Variants in GDAP2 observed in about 807,000 individuals in gnomAD.
The protein encoded by GDAP2 is ganglioside-induced differentiation-associated protein 2.
Under a neutral mutation model 67.0 loss-of-function variants are expected in GDAP2, and 51 were observed. The observed-to-expected ratio is 0.76, with a 90% CI of 0.61 to 0.96. GDAP2 has a LOEUF of 0.96. Among genes scored for constraint, GDAP2 ranks in the 40% least tolerant of loss-of-function variants. The probability of loss-of-function intolerance (pLI) is 0.00; values close to 1 mark genes in which losing one functional copy is unlikely to be tolerated. For synonymous variants in GDAP2, 203 were observed against 207.3 expected (o/e 0.98, Z 0.18); for missense variants, 547 against 588.3 (o/e 0.93, Z 0.73).
intron 10 of GDAP2, among the ~76,000 whole-genome samples, chr1:117,884,574 T>C (rs1421670629): frequency 1.3e-5 from 2 of 152,186 alleles, no homozygotes. Context: ...TTCCATTCAT[T>C]ACCTGCTTTG....
intron 13 of GDAP2, among the ~76,000 whole-genome samples, chr1:117,871,481 T>C (rs1002775044): frequency 8.5e-5 from 13 of 152,198 alleles, no homozygotes; most frequent in Non-Finnish European, 1.9e-4. Context: ...TTAGCACTAG[T>C]ATAAGACAAT....
intron 1 of GDAP2, among the ~76,000 whole-genome samples, chr1:117,928,170 G>A (rs1478840282): frequency 6.6e-6 from 1 of 152,144 alleles, no homozygotes; most frequent in Non-Finnish European, 1.5e-5. Flanking sequence ...GAACCAGGCA[G>A]AGAAGATAAA....
chr1:117,917,919 C>G (rs1474347411), intron 3 of GDAP2, among the ~76,000 whole-genome samples: 11 of 152,100 alleles, frequency 7.2e-5, no homozygotes, highest in Admixed American at 7.2e-4. Context: ...GGCCATTTCC[C>G]CCACTCTGTC....
intron 13 of GDAP2, among the ~76,000 whole-genome samples, chr1:117,873,075 G>A (rs947602717): frequency 1.3e-5 from 2 of 152,052 alleles, no homozygotes; most frequent in Non-Finnish European, 2.9e-5. Context: ...AAACTAAGAA[G>A]AGCAAGTTCA....
In GDAP2 at chr1:117,918,676, G is replaced by C. The variant is rs1163770251; in HGVS notation, c.237C>G (p.Leu79=). Residue 79 remains leucine (L), a synonymous_variant, in exon 3 of 14, where the codon CTC becomes CTG. Coordinates refer to ENST00000369443, the MANE Select transcript of GDAP2 (RefSeq NM_017686.4). The part of the protein sequence containing the change: ...TAIVNTSNES[L]TDKNPVSESI... ...TTTCTGACACAGGATTCTTATCTGTGAGACTTTCATTGCTGGTATTCACAA... is the reference window on the plus strand; with the variant it reads ...TTTCTGACACAGGATTCTTATCTGTCAGACTTTCATTGCTGGTATTCACAA... 6.2e-7 allele frequency: 1 copy of C among 1,601,258 alleles called. No individual in the cohort carries two copies. Among genetic ancestry groups the C allele is most frequent in the South Asian group, 1.1e-5 (1 of 90,796 alleles).
chr1:117,927,477 G>C (rs951306190), intron 1 of GDAP2, among the ~76,000 whole-genome samples: 11 of 152,148 alleles, frequency 7.2e-5, no homozygotes, highest in Non-Finnish European at 1.5e-4. Context: ...GATCAGACCA[G>C]CCTGGATAAC....
intron 3 of GDAP2, among the ~76,000 whole-genome samples, chr1:117,913,253 A>G (rs1453354370): frequency 6.6e-6 from 1 of 152,206 alleles, no homozygotes; most frequent in African/African-American, 2.4e-5. Context: ...AATGCTAAAA[A>G]GGCTCAGAAA....
intron 13 of GDAP2, among the ~76,000 whole-genome samples, chr1:117,875,004 G>A (rs1182617624): frequency 6.6e-6 from 1 of 152,146 alleles, no homozygotes; most frequent in African/African-American, 2.4e-5. Flanking sequence ...CCAGATATGA[G>A]AGCAAAGAAA....
In GDAP2 at chr1:117,866,845, A is replaced by G. The variant is rs960062516; in HGVS notation, c.*3724T>C. On this transcript the variant is annotated 3_prime_UTR_variant, in exon 14 of 14. Transcript: ENST00000369443. ...CTCCAGCCTGGGTGACCAAAAAAAA[A>G]AAAAAAGTACAGTAAGGCCCTTTAA... The G allele has an allele frequency of 6.6e-6, 1 of 151,692 alleles. No homozygotes were observed. Among genetic ancestry groups the G allele is most frequent in the African/African-American group, 2.4e-5 (1 of 41,308 alleles). 9.4% of individuals were successfully genotyped at this position (151,692 alleles called of 1,614,324 possible).
At position 117,868,671 on chromosome 1, in the gene GDAP2, C is replaced by G. The variant is rs1483470301; in HGVS notation, c.*1898G>C. 2.0e-5 allele frequency: 3 copies of G among 151,966 alleles called. No homozygotes were observed. Among genetic ancestry groups the G allele is most frequent in the African/African-American group, 7.3e-5 (3 of 41,366 alleles). The allele number at this position is 151,966 out of a possible 1,614,324, so 9.4% of individuals were successfully genotyped here. ...GCTGCTCCTTGTGAAGAAGATACCTCAAATATGATCTCACGATTGACTGTA... is the reference window on the plus strand; with the variant it reads ...GCTGCTCCTTGTGAAGAAGATACCTGAAATATGATCTCACGATTGACTGTA... On this transcript the variant is annotated 3_prime_UTR_variant, in exon 14 of 14. Coordinates refer to ENST00000369443, the MANE Select transcript of GDAP2 (RefSeq NM_017686.4).
chr1:117,883,926 C>T (rs1648756898), intron 10 of GDAP2, among the ~76,000 whole-genome samples: 3 of 152,144 alleles, frequency 2.0e-5, no homozygotes, highest in Admixed American at 2.0e-4. Context: ...TCTTCATATA[C>T]TGGAAAAAGT....
chr1:117,906,344 T>C (rs990760930), intron 6 of GDAP2, among the ~76,000 whole-genome samples, 162 bp downstream of exon 6: 1 of 152,222 alleles, frequency 6.6e-6, no homozygotes, highest in Non-Finnish European at 1.5e-5. Context: ...TAGTTTCCAA[T>C]ATAGTCTTTT....
At chr1:117,917,528 T>C (rs376876456) in intron 3 of GDAP2, among the ~76,000 whole-genome samples, 2 of 152,312 alleles carry the variant, frequency 1.3e-5, no homozygotes, top group East Asian at 3.9e-4. Context: ...GCTCTTACTA[T>C]ATGTCAGGAA....
chr1:117,902,208 T>C (rs1422405319), intron 6 of GDAP2, among the ~76,000 whole-genome samples: 5 of 152,258 alleles, frequency 3.3e-5, no homozygotes, highest in African/African-American at 9.6e-5. Flanking sequence ...GTCTCATCAC[T>C]CAGTCACCTT....
chr1:117,889,311 A>G (rs1165409079), intron 8 of GDAP2, among the ~76,000 whole-genome samples: 3 of 150,112 alleles, frequency 2.0e-5, no homozygotes, highest in Admixed American at 2.0e-4. Flanking sequence ...TCACATATTT[A>G]TCATTTTTTT....
intron 4 of GDAP2, 64 bp downstream of exon 4, chr1:117,912,466 C>A: frequency 7.1e-7 from 1 of 1,412,302 alleles, no homozygotes; most frequent in Non-Finnish European, 9.6e-7. Context: ...GGGCCTTTAT[C>A]TTTAAAAACT....
chr1:117,884,491 T>C (rs1454136581), intron 10 of GDAP2, among the ~76,000 whole-genome samples: 2 of 152,170 alleles, frequency 1.3e-5, no homozygotes, highest in South Asian at 2.1e-4. Flanking sequence ...ATTAACATGG[T>C]TGGATTAACA....
At chr1:117,912,497 A>C (rs778291989) in intron 4 of GDAP2, 33 bp downstream of exon 4, 13 of 1,585,012 alleles carry the variant, frequency 8.2e-6, no homozygotes, top group Non-Finnish European at 1.1e-5. Context: ...ACAATGTATG[A>C]TATGCTATGT....
intron 3 of GDAP2, among the ~76,000 whole-genome samples, chr1:117,915,686 A>G (rs190941261): frequency 3.0e-4 from 46 of 152,346 alleles, no homozygotes; most frequent in Middle Eastern, 3.4e-3. Flanking sequence ...CATACAACAA[A>G]CAAACCTCAC....
Sources: allele counts gnomAD v4.1 joint callset (sites outside exome capture counted in the v4.1 genomes callset), GRCh38; gene constraint gnomAD v4.1.1; transcripts MANE v1.5; gene names NCBI Gene and HGNC (gene_info 2026-07-23, HGNC 2026-07-21).